The following CCDC91 variants were observed in gnomAD, a reference collection of about 807,000 sequenced individuals.
CCDC91 encodes coiled-coil domain-containing protein 91.
CCDC91 carries 48 observed loss-of-function variants against 63.2 expected under a neutral mutation model. The observed-to-expected ratio is 0.76, with a 90% CI of 0.60 to 0.97. CCDC91 has a LOEUF of 0.97. Ranked by LOEUF, CCDC91 falls within the 50% of genes least tolerant of loss-of-function variation. CCDC91 has a pLI of 0.00. For synonymous variants in CCDC91, 167 were observed against 165.8 expected, an observed-to-expected ratio of 1.01 and a Z score of -0.06; for missense variants, 500 against 494.6, an observed-to-expected ratio of 1.01 and a Z score of -0.10.
chr12:28,509,915 G>T (rs1251806477), intron 12 of CCDC91, among the ~76,000 whole-genome samples: 1 of 151,852 alleles, frequency 6.6e-6, no homozygotes, highest in Non-Finnish European at 1.5e-5. Flanking sequence ...CTTGATCCAA[G>T]AACTCACCTC....
intron 3 of CCDC91, among the ~76,000 whole-genome samples, chr12:28,298,284 AT>A (rs1949673427): frequency 6.6e-6 from 1 of 151,010 alleles, no homozygotes; most frequent in African/African-American, 2.4e-5. Flanking sequence ...CATATGTCTT[AT>A]TGGTCTGATT....
intron 12 of CCDC91, among the ~76,000 whole-genome samples, chr12:28,520,872 A>G (rs1940562172): frequency 6.6e-6 from 1 of 152,160 alleles, no homozygotes. Context: ...GTCAAAGATC[A>G]GATGGTTGTA....
At chr12:28,522,125 T>C (rs538847345) in intron 12 of CCDC91, among the ~76,000 whole-genome samples, 1 of 152,184 alleles carries the variant, frequency 6.6e-6, no homozygotes, top group African/African-American at 2.4e-5. Context: ...TTCTATTGAT[T>C]GGAATAGTTT....
At chr12:28,472,490 A>G (rs748441597) in intron 11 of CCDC91, among the ~76,000 whole-genome samples, 1 of 152,214 alleles carries the variant, frequency 6.6e-6, no homozygotes, top group Non-Finnish European at 1.5e-5. Flanking sequence ...AATTTTTAAT[A>G]TAGATCTAAT....
chr12:28,534,699 C>T (rs1942012799), intron 12 of CCDC91, among the ~76,000 whole-genome samples: 1 of 152,104 alleles, frequency 6.6e-6, no homozygotes, highest in Admixed American at 6.6e-5. Flanking sequence ...AAATGGAATC[C>T]ATATTGGTAC....
At chr12:28,474,284 T>C (rs1217714329) in intron 11 of CCDC91, among the ~76,000 whole-genome samples, 1 of 152,160 alleles carries the variant, frequency 6.6e-6, no homozygotes, top group African/African-American at 2.4e-5. Context: ...AATGTTACAT[T>C]ATGACAACAT....
chr12:28,472,795 A>G (rs1950887387), intron 11 of CCDC91, among the ~76,000 whole-genome samples: 1 of 152,202 alleles, frequency 6.6e-6, no homozygotes. Context: ...TGCAGTGCAG[A>G]TTAATTACTT....
At chr12:28,401,274 A>G (rs1946605133) in intron 8 of CCDC91, among the ~76,000 whole-genome samples, 1 of 152,168 alleles carries the variant, frequency 6.6e-6, no homozygotes, top group Non-Finnish European at 1.5e-5. Context: ...GGAAACAAAC[A>G]TGTCCTTCCT....
At chr12:28,225,758 C>T (rs969552838) in intron 1 of CCDC91, 7 of 152,338 alleles carry the variant, frequency 4.6e-5, no homozygotes, top group Middle Eastern at 3.4e-3. Flanking sequence ...CGCCCAGCCT[C>T]CCACTACCTT....
chr12:28,205,818 C>T (rs1942802511), intron 1 of CCDC91, among the ~76,000 whole-genome samples: 1 of 152,168 alleles, frequency 6.6e-6, no homozygotes, highest in African/African-American at 2.4e-5. Context: ...AGTTGGTCCA[C>T]AAAGACTCAA....
At chr12:28,477,761 A>G (rs1951190804) in intron 11 of CCDC91, among the ~76,000 whole-genome samples, 1 of 152,228 alleles carries the variant, frequency 6.6e-6, no homozygotes, top group Admixed American at 6.5e-5. Flanking sequence ...CAACTTCAGC[A>G]AAGTCTCAGG....
chr12:28,375,187 G>GAAT (rs2138930171), intron 7 of CCDC91, among the ~76,000 whole-genome samples: 1 of 151,858 alleles, frequency 6.6e-6, no homozygotes, highest in South Asian at 2.1e-4. Context: ...ATAAACCATG[G>GAAT]AACCTATTCA....
intron 11 of CCDC91, among the ~76,000 whole-genome samples, chr12:28,455,773 C>T (rs186963328): frequency 1.6e-4 from 24 of 151,766 alleles, no homozygotes; most frequent in Non-Finnish European, 3.1e-4. Flanking sequence ...ACAACATTGA[C>T]TATCATTAAT....
chr12:28,447,172 A>G (rs565108594), intron 8 of CCDC91, among the ~76,000 whole-genome samples: 7 of 152,320 alleles, frequency 4.6e-5, no homozygotes, highest in Non-Finnish European at 1.0e-4. Context: ...ATGCATAAAA[A>G]TAAACATTTT....
intron 12 of CCDC91, among the ~76,000 whole-genome samples, chr12:28,484,424 C>T (rs1048224819): frequency 1.2e-4 from 18 of 152,082 alleles, no homozygotes; most frequent in African/African-American, 4.3e-4. Flanking sequence ...TCCAATTTAG[C>T]TTTACTTACA....
intron 1 of CCDC91, chr12:28,236,228 CTT>C (rs1315746660): frequency 6.6e-6 from 1 of 151,698 alleles, no homozygotes; most frequent in East Asian, 1.9e-4. Context: ...TGCCCTTTCT[CTT>C]TGTGATTGTT....
Position 28,259,316 on chromosome 12 carries a change from A to G in CCDC91, c.31-48A>G, listed in dbSNP as rs759213164. 1.1e-5 allele frequency: 15 copies of G among 1,371,974 alleles called. No individual in the cohort carries two copies. In the Admixed American group the frequency reaches 2.0e-4, roughly 19 times the overall value. 85.0% of individuals were successfully genotyped at this position (1,371,974 alleles called of 1,614,324 possible). A position where few individuals can be genotyped will look rare whatever the true frequency, so the allele number is the denominator to read the frequency against. The stretch of plus-strand genomic sequence containing the variant: ...TGGAATGCTTGATCACTTAAATAGC[A>G]TTTCTGCTTTTCACATCTTCTAAAA... On this transcript the variant is annotated intron_variant, in intron 2 of 12. Transcript: ENST00000536442.
chr12:28,360,148 A>G (rs1313159124), intron 6 of CCDC91, among the ~76,000 whole-genome samples: 1 of 152,180 alleles, frequency 6.6e-6, no homozygotes, highest in Non-Finnish European at 1.5e-5. Context: ...ATTGCTGTTG[A>G]TTCTTTATGA....
intron 12 of CCDC91, among the ~76,000 whole-genome samples, chr12:28,538,227 T>C (rs11833260): frequency 0.082 from 12,198 of 148,512 alleles, 1,717 homozygotes; most frequent in African/African-American, 0.29. Flanking sequence ...TTTAACATTA[T>C]GTATATCTCC....
Sources: gnomAD v4.1 joint callset for allele counts (sites outside exome capture counted in the v4.1 genomes callset) on GRCh38, gnomAD v4.1.1 for gene constraint, MANE v1.5 for transcripts, NCBI Gene and HGNC (gene_info 2026-07-23, HGNC 2026-07-21) for gene names.